Variants in MAPK8 observed in about 807,000 individuals in gnomAD.
MAPK8 encodes JUN N-terminal kinase.
A neutral mutation model predicts 52.9 loss-of-function variants in MAPK8; 13 were observed. The observed-to-expected ratio is 0.25, with a 90% CI of 0.16 to 0.39. MAPK8 has a LOEUF of 0.39. Among genes scored for constraint, MAPK8 ranks in the 10% least tolerant of loss-of-function variants. The probability of loss-of-function intolerance (pLI) is 1.00; values close to 1 mark genes in which losing one functional copy is unlikely to be tolerated. For missense variants in MAPK8, 300 were observed against 519.2 expected (o/e 0.58, Z 4.10); for synonymous variants, 191 against 169.8 (o/e 1.12, Z -0.97).
intron 1 of MAPK8, among the ~76,000 whole-genome samples, chr10:48,369,641 CAA>C (rs1564540357): frequency 6.6e-6 from 1 of 151,854 alleles, no homozygotes; most frequent in Non-Finnish European, 1.5e-5. Flanking sequence ...TGTAACAAGA[CAA>C]GAGGGCCAAG....
intron 1 of MAPK8, among the ~76,000 whole-genome samples, chr10:48,373,571 C>CA (rs539162576): frequency 0.45 from 7,531 of 16,818 alleles, 3,214 homozygotes; most frequent in Non-Finnish European, 0.66. Flanking sequence ...AAATTGAAAG[C>CA]AAAAAAAAAA....
At chr10:48,430,971 G>A (rs756842171) in intron 10 of MAPK8, 30 of 556,550 alleles carry the variant, frequency 5.4e-5, no homozygotes, top group Non-Finnish European at 8.9e-5. Flanking sequence ...GTGAATTACA[G>A]GAAAGATTAG....
chr10:48,335,207 CT>C (rs989826709), intron 1 of MAPK8, among the ~76,000 whole-genome samples: 3 of 151,778 alleles, frequency 2.0e-5, no homozygotes, highest in African/African-American at 2.4e-5. Context: ...CCAGGTTTTC[CT>C]TTTTTTTAAA....
intron 1 of MAPK8, among the ~76,000 whole-genome samples, chr10:48,386,447 A>G (rs967566395): frequency 6.6e-6 from 1 of 152,194 alleles, no homozygotes. Context: ...TAGATGACCT[A>G]TTTATTCAGT....
At chr10:48,397,922 G>T (rs2041970228) in intron 1 of MAPK8, among the ~76,000 whole-genome samples, 3 of 152,062 alleles carry the variant, frequency 2.0e-5, no homozygotes, top group African/African-American at 2.4e-5. Context: ...TGTAGTGGAG[G>T]TTATACTAAT....
chr10:48,391,558 C>T (rs1354806426), intron 1 of MAPK8, among the ~76,000 whole-genome samples: 2 of 152,174 alleles, frequency 1.3e-5, no homozygotes, highest in African/African-American at 4.8e-5. Flanking sequence ...TTTCTGTTCT[C>T]TCAACACAAC....
chr10:48,329,820 T>C (rs1284154761), intron 1 of MAPK8, among the ~76,000 whole-genome samples: 1 of 152,250 alleles, frequency 6.6e-6, no homozygotes, highest in Non-Finnish European at 1.5e-5. Context: ...CTTGCTCTGC[T>C]TCTTCATAAT....
At chr10:48,434,156 C>T (rs923880899) in intron 11 of MAPK8, among the ~76,000 whole-genome samples, 5 of 152,138 alleles carry the variant, frequency 3.3e-5, no homozygotes, top group Admixed American at 6.5e-5. Flanking sequence ...GTAATACTTT[C>T]GGCAAAGGAA....
chr10:48,432,938 G>C lies in MAPK8; in HGVS notation c.1138+1668G>C, dbSNP rs150755564. 2.6e-3 allele frequency among the ~76,000 whole-genome samples: 398 copies of C among 152,298 alleles called. 3 individuals carry two copies. The highest frequency in any genetic ancestry group is 4.6e-3 in the Non-Finnish European group (310 of 68,002). ...ATTTTGTACTAAAACAGAAGGAGTA[G>C]TGTTTGGTAAATCAAAATACCAGAT... On this transcript the variant is annotated intron_variant, in intron 11 of 11. Transcript: ENST00000374189.
chr10:48,314,957 T>C (rs1186952439), intron 1 of MAPK8, among the ~76,000 whole-genome samples: 1 of 152,246 alleles, frequency 6.6e-6, no homozygotes, highest in Non-Finnish European at 1.5e-5. Flanking sequence ...TCCATCTTTG[T>C]CTTAACTGAT....
At chr10:48,376,616 A>G (rs941265195) in intron 1 of MAPK8, among the ~76,000 whole-genome samples, 2 of 152,224 alleles carry the variant, frequency 1.3e-5, no homozygotes, top group African/African-American at 4.8e-5. Context: ...GCAGCCAACA[A>G]ACATATGAAA....
chr10:48,419,217 C>T (rs1216674913), intron 5 of MAPK8, among the ~76,000 whole-genome samples: 4 of 152,090 alleles, frequency 2.6e-5, no homozygotes, highest in Non-Finnish European at 4.4e-5. Flanking sequence ...AAAAGTAATA[C>T]AAAAGTAATA....
At chr10:48,431,422 CTAA>C (rs1320468584) in intron 11 of MAPK8, 152 bp downstream of exon 11, 1 of 594,776 alleles carries the variant, frequency 1.7e-6, no homozygotes, top group African/African-American at 1.9e-5. Flanking sequence ...GTTTTTTCTA[CTAA>C]TACATTATAC....
chr10:48,333,599 A>T (rs1412588909), intron 1 of MAPK8, among the ~76,000 whole-genome samples: 1 of 152,172 alleles, frequency 6.6e-6, no homozygotes, highest in East Asian at 1.9e-4. Context: ...TCACTGCCTG[A>T]ATTTCTTCTG....
intron 2 of MAPK8, among the ~76,000 whole-genome samples, chr10:48,404,458 G>A (rs532114042): frequency 1.2e-3 from 183 of 152,174 alleles, no homozygotes; most frequent in African/African-American, 4.1e-3. Flanking sequence ...ACCCAGCCTC[G>A]TATGCATTCT....
At chr10:48,358,615 G>A (rs1005050749) in intron 1 of MAPK8, among the ~76,000 whole-genome samples, 10 of 152,146 alleles carry the variant, frequency 6.6e-5, no homozygotes, top group African/African-American at 2.4e-4. Flanking sequence ...TTTAATATTG[G>A]CAAAGTCTAA....
At chr10:48,372,095 T>C (rs1328995473) in intron 1 of MAPK8, among the ~76,000 whole-genome samples, 4 of 152,142 alleles carry the variant, frequency 2.6e-5, no homozygotes, top group Non-Finnish European at 5.9e-5. Flanking sequence ...TACTTAGGAA[T>C]GATTGATTAA....
At chr10:48,403,955 G>GTA in intron 2 of MAPK8, among the ~76,000 whole-genome samples, 1 of 150,190 alleles carries the variant, frequency 6.7e-6, no homozygotes, top group East Asian at 2.0e-4. Flanking sequence ...GTGTGTGTGT[G>GTA]TGTATTTTTA....
At chr10:48,365,942 A>G (rs2132574515) in intron 1 of MAPK8, among the ~76,000 whole-genome samples, 1 of 152,298 alleles carries the variant, frequency 6.6e-6, no homozygotes, top group East Asian at 1.9e-4. Context: ...AAGTCAGAAT[A>G]TATAGTAATT....
Sources: allele counts gnomAD v4.1 joint callset (sites outside exome capture counted in the v4.1 genomes callset), GRCh38; gene constraint gnomAD v4.1.1; transcripts MANE v1.5; gene names NCBI Gene and HGNC (gene_info 2026-07-23, HGNC 2026-07-21).